CTNNA3: variants seen among roughly 807,000 people sequenced by gnomAD.
CTNNA3 encodes catenin alpha-3.
Under a neutral mutation model 95.7 loss-of-function variants are expected in CTNNA3, and 76 were observed. The ratio of observed to expected loss-of-function variants is 0.79; its 90% CI spans 0.66 to 0.96. The LOEUF (loss-of-function observed/expected upper bound fraction) is 0.96, where lower values mean the gene tolerates loss of function less well. CTNNA3 is among the 40% of genes least tolerant of loss of function. The pLI, the probability that CTNNA3 is intolerant of heterozygous loss-of-function variation, is 0.00. For synonymous variants in CTNNA3, 431 were observed against 374.4 expected (o/e 1.15, Z -1.74); for missense variants, 1,191 against 1,089.8 (o/e 1.09, Z -1.31).
chr10:66,582,283 T>G (rs1843215258), intron 10 of CTNNA3, among the ~76,000 whole-genome samples: 1 of 151,284 alleles, frequency 6.6e-6, no homozygotes, highest in African/African-American at 2.4e-5. Flanking sequence ...GAGCAAAGAA[T>G]GTATTTCCAT....
intron 7 of CTNNA3, among the ~76,000 whole-genome samples, chr10:66,875,663 C>T (rs774144408): frequency 6.6e-6 from 1 of 152,116 alleles, no homozygotes; most frequent in Non-Finnish European, 1.5e-5. Context: ...AGTAAATCTG[C>T]TAATCCAATC....
rs1240519860 is a variant in CTNNA3 at position 66,442,387 on chromosome 10, C to A, written c.1532-63035G>T. ...CCTAAAGTTCTTCAAAAGCTCTTGACCTCAAGCTTTTTAAATAAAACCTAC... is the reference window on the plus strand; with the variant it reads ...CCTAAAGTTCTTCAAAAGCTCTTGAACTCAAGCTTTTTAAATAAAACCTAC... On this transcript the variant is annotated intron_variant, in intron 11 of 17. Coordinates refer to ENST00000433211, the MANE Select transcript of CTNNA3 (RefSeq NM_013266.4). Among the ~76,000 whole-genome samples, 3 of 151,976 alleles carry A rather than the reference C, an allele frequency of 2.0e-5. No homozygotes were observed. In the South Asian group the frequency reaches 6.2e-4, roughly 32 times the overall value.
chr10:66,635,265 T>C (rs1372278092), intron 9 of CTNNA3, among the ~76,000 whole-genome samples: 1 of 152,076 alleles, frequency 6.6e-6, no homozygotes, highest in Non-Finnish European at 1.5e-5. Flanking sequence ...AAACTATAAA[T>C]TAAAGACAGG....
intron 12 of CTNNA3, among the ~76,000 whole-genome samples, chr10:66,332,226 A>G (rs2092339185): frequency 6.6e-6 from 1 of 151,832 alleles, no homozygotes; most frequent in African/African-American, 2.4e-5. Context: ...TCCTAATTGA[A>G]TACCCTTTAT....
intron 11 of CTNNA3, among the ~76,000 whole-genome samples, chr10:66,432,702 C>T (rs1014282542): frequency 6.6e-6 from 1 of 150,418 alleles, no homozygotes; most frequent in Non-Finnish European, 1.5e-5. Flanking sequence ...ATGTGCAGAA[C>T]ATGCAGCTTT....
In CTNNA3 at chr10:66,590,434, A is replaced by G. The variant is rs2132227054; in HGVS notation, c.1374+31258T>C. On this transcript the variant is annotated intron_variant, in intron 10 of 17. Coordinates refer to ENST00000433211, the MANE Select transcript of CTNNA3 (RefSeq NM_013266.4). ...CATGTTACATATTTCATTTTGAGAC[A>G]AAAGTGAAATTCAGATTATCCTACC... 2.6e-5 allele frequency among the ~76,000 whole-genome samples: 4 copies of G among 152,254 alleles called. No homozygotes were observed. In the Middle Eastern group the frequency reaches 0.014, roughly 518 times the overall value.
chr10:66,651,619 G>T (rs1457971705), intron 9 of CTNNA3, among the ~76,000 whole-genome samples: 1 of 151,484 alleles, frequency 6.6e-6, no homozygotes, highest in African/African-American at 2.4e-5. Flanking sequence ...GCTGGGAGAC[G>T]GCTGAGGCCC....
intron 10 of CTNNA3, among the ~76,000 whole-genome samples, chr10:66,549,313 G>A (rs72793673): frequency 0.078 from 11,795 of 152,112 alleles, 637 homozygotes; most frequent in African/African-American, 0.15. Context: ...TTCTTTGAAT[G>A]TCTAATTGAA....
At chr10:65,924,831 C>A (rs1008201683) in intron 17 of CTNNA3, among the ~76,000 whole-genome samples, 2 of 152,168 alleles carry the variant, frequency 1.3e-5, no homozygotes, top group Admixed American at 1.3e-4. Flanking sequence ...TCTTACATGG[C>A]AATCAAGGCA....
chr10:66,573,036 T>C (rs1842915425), intron 10 of CTNNA3, among the ~76,000 whole-genome samples: 4 of 152,156 alleles, frequency 2.6e-5, no homozygotes, highest in Admixed American at 2.0e-4. Flanking sequence ...ACAGGACTAA[T>C]ACTACATCCC....
At chr10:67,339,580 C>G (rs1220486173) in intron 5 of CTNNA3, among the ~76,000 whole-genome samples, 1 of 152,042 alleles carries the variant, frequency 6.6e-6, no homozygotes, top group Non-Finnish European at 1.5e-5. Flanking sequence ...TAAGTTATAC[C>G]TACAATACTT....
intron 5 of CTNNA3, among the ~76,000 whole-genome samples, chr10:67,433,876 A>G (rs1369578612): frequency 6.6e-6 from 1 of 151,972 alleles, no homozygotes; most frequent in African/African-American, 2.4e-5. Context: ...AGTGTTCAAA[A>G]AATTATTTTC....
chr10:67,417,695 C>T (rs1845592299), intron 5 of CTNNA3, among the ~76,000 whole-genome samples: 1 of 151,768 alleles, frequency 6.6e-6, no homozygotes, highest in African/African-American at 2.4e-5. Flanking sequence ...GGTTTAAATC[C>T]AATTTAAATT....
intron 9 of CTNNA3, among the ~76,000 whole-genome samples, chr10:66,647,644 G>A (rs1227454070): frequency 2.0e-5 from 3 of 151,380 alleles, no homozygotes; most frequent in East Asian, 3.9e-4. Context: ...CCGAGTAGCT[G>A]GGACTACAGG....
At chr10:67,582,888 CT>C (rs1269061920) in intron 3 of CTNNA3, among the ~76,000 whole-genome samples, 3 of 151,830 alleles carry the variant, frequency 2.0e-5, no homozygotes, top group Non-Finnish European at 4.4e-5. Context: ...CAACCCCTGC[CT>C]TTTTTTGTTT....
At chr10:67,647,206 T>C (rs1047994396) in intron 2 of CTNNA3, among the ~76,000 whole-genome samples, 4 of 149,238 alleles carry the variant, frequency 2.7e-5, no homozygotes, top group Non-Finnish European at 5.9e-5. Context: ...TAAAAGAGAA[T>C]GTGGGGGAAA....
intron 9 of CTNNA3, among the ~76,000 whole-genome samples, chr10:66,706,398 T>G (rs1225084048): frequency 6.6e-6 from 1 of 151,532 alleles, no homozygotes; most frequent in Non-Finnish European, 1.5e-5. Context: ...CCACTACTCT[T>G]CCTATGCAAG....
At chr10:66,961,717 C>T (rs1034205674) in intron 7 of CTNNA3, among the ~76,000 whole-genome samples, 2 of 152,100 alleles carry the variant, frequency 1.3e-5, no homozygotes, top group African/African-American at 4.8e-5. Context: ...ACAATATTTG[C>T]ATATATTAAG....
chr10:66,464,884 T>TA lies in CTNNA3; in HGVS notation c.1531+55732dup, dbSNP rs35744077. Among the ~76,000 whole-genome samples, 1,041 of 150,576 alleles carry TA rather than the reference T, an allele frequency of 6.9e-3. 9 individuals are homozygous for TA. Among genetic ancestry groups the TA allele is most frequent in the African/African-American group, 0.024 (977 of 41,236 alleles). On this transcript the variant is annotated intron_variant, in intron 11 of 17. Coordinates refer to ENST00000433211, the MANE Select transcript of CTNNA3 (RefSeq NM_013266.4). The stretch of plus-strand genomic sequence containing the variant: ...TTCTGAAGTTGGCGGCCAGCCTCAT[T>TA]AAAAAAAAATAAGATCTCAACTTTT...
Sources: gnomAD v4.1 joint callset for allele counts (sites outside exome capture counted in the v4.1 genomes callset) on GRCh38, gnomAD v4.1.1 for gene constraint, MANE v1.5 for transcripts, NCBI Gene and HGNC (gene_info 2026-07-23, HGNC 2026-07-21) for gene names.